The following ALK variants were observed in gnomAD, a reference collection of about 807,000 sequenced individuals.
ALK encodes the protein ALK tyrosine kinase receptor.
A neutral mutation model predicts 163.1 loss-of-function variants in ALK; 74 were observed. The ratio of observed to expected loss-of-function variants is 0.45; its 90% CI spans 0.38 to 0.55. The LOEUF is 0.55. Among genes scored for constraint, ALK ranks in the 20% least tolerant of loss-of-function variants. ALK has a pLI of 0.00. For synonymous variants in ALK, 960 were observed against 843.2 expected (o/e 1.14, Z -2.40); for missense variants, 2,063 against 2,105.3 (o/e 0.98, Z 0.39).
intron 22 of ALK, 81 bp from the exon 23 acceptor site, chr2:29,220,916 A>G: frequency 6.3e-7 from 1 of 1,589,314 alleles, no homozygotes; most frequent in Non-Finnish European, 8.6e-7. Context: ...CAGGATACAA[A>G]GTTACATTTT....
At chr2:29,552,378 C>G (rs543416752) in intron 3 of ALK, among the ~76,000 whole-genome samples, 1 of 152,216 alleles carries the variant, frequency 6.6e-6, no homozygotes, top group Non-Finnish European at 1.5e-5. Flanking sequence ...AATGGAATTG[C>G]TGGGTCATGT....
intron 3 of ALK, among the ~76,000 whole-genome samples, chr2:29,548,835 T>A (rs1673638624): frequency 6.6e-6 from 1 of 152,212 alleles, no homozygotes; most frequent in South Asian, 2.1e-4. Flanking sequence ...TTGGGGGGGA[T>A]GTTTTTCCTT....
At chr2:29,559,989 T>G (rs570241363) in intron 3 of ALK, among the ~76,000 whole-genome samples, 1 of 152,268 alleles carries the variant, frequency 6.6e-6, no homozygotes, top group Admixed American at 6.5e-5. Context: ...AAGCCTTGGG[T>G]TTTTTAAAAA....
At chr2:29,309,043 T>C (rs1320353569) in intron 8 of ALK, among the ~76,000 whole-genome samples, 1 of 152,136 alleles carries the variant, frequency 6.6e-6, no homozygotes, top group Non-Finnish European at 1.5e-5. Flanking sequence ...TGTGTCTCAG[T>C]TTCTCTGTGT....
intron 3 of ALK, among the ~76,000 whole-genome samples, chr2:29,621,476 C>G (rs911304865): frequency 2.6e-5 from 4 of 152,170 alleles, no homozygotes; most frequent in African/African-American, 4.8e-5. Flanking sequence ...TGGTCAGGCA[C>G]AGTTTATCCC....
chr2:29,417,418 T>C (rs1669908055), intron 4 of ALK, among the ~76,000 whole-genome samples: 1 of 152,194 alleles, frequency 6.6e-6, no homozygotes, highest in South Asian at 2.1e-4. Context: ...GCCAAACTTG[T>C]ATTGTAAAAT....
chr2:29,314,916 T>G (rs932248186), intron 8 of ALK, among the ~76,000 whole-genome samples: 1 of 152,018 alleles, frequency 6.6e-6, no homozygotes, highest in East Asian at 1.9e-4. Flanking sequence ...CATCCGCGGG[T>G]GTCTCAAAGC....
chr2:29,844,848 A>G (rs1446763943), intron 1 of ALK, among the ~76,000 whole-genome samples: 4 of 125,680 alleles, frequency 3.2e-5, no homozygotes, highest in Non-Finnish European at 5.0e-5. Flanking sequence ...CTTCACCCTG[A>G]TAACCCCCCT....
intron 4 of ALK, among the ~76,000 whole-genome samples, chr2:29,414,640 C>A (rs1669822626): frequency 6.6e-6 from 1 of 152,196 alleles, no homozygotes; most frequent in Admixed American, 6.5e-5. Context: ...CTTACGAGAA[C>A]AAACTATTTT....
At chr2:29,316,698 C>T (rs181014004) in intron 8 of ALK, among the ~76,000 whole-genome samples, 14 of 152,258 alleles carry the variant, frequency 9.2e-5, no homozygotes, top group African/African-American at 3.1e-4. Flanking sequence ...CTCTCAGACA[C>T]CTGAGAAATA....
At chr2:29,203,854 G>T (rs1001310955) in intron 26 of ALK, among the ~76,000 whole-genome samples, 1 of 151,942 alleles carries the variant, frequency 6.6e-6, no homozygotes, top group South Asian at 2.1e-4. Context: ...TTTATGTCCT[G>T]TGCTAGGAAA....
chr2:29,846,806 C>T (rs1353910846), intron 1 of ALK, among the ~76,000 whole-genome samples: 1 of 152,198 alleles, frequency 6.6e-6, no homozygotes, highest in Non-Finnish European at 1.5e-5. Flanking sequence ...AAGCCTTTTA[C>T]ATACATCTTT....
At chr2:29,567,567 T>C (rs1674228524) in intron 3 of ALK, among the ~76,000 whole-genome samples, 1 of 152,186 alleles carries the variant, frequency 6.6e-6, no homozygotes, top group African/African-American at 2.4e-5. Flanking sequence ...AGGTTCACAA[T>C]CACACAATAT....
chr2:29,705,817 T>C (rs528061902), intron 2 of ALK, among the ~76,000 whole-genome samples: 24 of 152,338 alleles, frequency 1.6e-4, no homozygotes, highest in Non-Finnish European at 3.1e-4. Context: ...TTTGGCCTTA[T>C]TTAATGATGC....
intron 3 of ALK, among the ~76,000 whole-genome samples, chr2:29,544,798 T>G (rs966329595): frequency 2.6e-5 from 4 of 152,080 alleles, no homozygotes; most frequent in Non-Finnish European, 4.4e-5. Context: ...GACTTAAAAA[T>G]GCTACATTCC....
intron 3 of ALK, among the ~76,000 whole-genome samples, chr2:29,588,223 A>T (rs191384404): frequency 1.3e-5 from 2 of 152,066 alleles, no homozygotes; most frequent in South Asian, 2.1e-4. Context: ...GATGAGAGAA[A>T]AATTTTTTAT....
chr2:29,481,126 G>A (rs55669410), intron 4 of ALK, among the ~76,000 whole-genome samples: 38,927 of 152,174 alleles, frequency 0.26, 5,922 homozygotes, highest in Non-Finnish European at 0.34. Context: ...GATTATTCTC[G>A]AACAGCAAGG....
chr2:29,658,304 G>A (rs141688393), intron 3 of ALK, among the ~76,000 whole-genome samples: 1 of 152,248 alleles, frequency 6.6e-6, no homozygotes, highest in African/African-American at 2.4e-5. Flanking sequence ...TGATCAGCTT[G>A]GAGCTATGGT....
At chr2:29,768,298 G>A (rs190642445) in intron 1 of ALK, among the ~76,000 whole-genome samples, 3 of 152,310 alleles carry the variant, frequency 2.0e-5, no homozygotes, top group East Asian at 3.9e-4. Context: ...CGGGGGCCCA[G>A]TAAATGGTAA....
Sources: allele counts gnomAD v4.1 joint callset (sites outside exome capture counted in the v4.1 genomes callset), GRCh38; gene constraint gnomAD v4.1.1; transcripts MANE v1.5; gene names NCBI Gene and HGNC (gene_info 2026-07-23, HGNC 2026-07-21).